Variants in PPP4R4 observed in about 807,000 individuals in gnomAD.
PPP4R4 encodes protein phosphatase 4 regulatory subunit 4, also known as serine/threonine-protein phosphatase 4 regulatory subunit 4.
A neutral mutation model predicts 121.8 loss-of-function variants in PPP4R4; 70 were observed. The ratio of observed to expected loss-of-function variants is 0.57; its 90% confidence interval spans 0.47 to 0.70. The LOEUF (loss-of-function observed/expected upper bound fraction) is 0.70, where lower values mean the gene tolerates loss of function less well. Ranked by LOEUF, PPP4R4 falls within the 30% of genes least tolerant of loss-of-function variation. The probability of loss-of-function intolerance (pLI) is 0.00; values close to 1 mark genes in which losing one functional copy is unlikely to be tolerated. For missense variants in PPP4R4, 875 were observed against 1,033.6 expected (o/e 0.85, Z 2.10); for synonymous variants, 348 against 355.7 (o/e 0.98, Z 0.24).
intron 1 of PPP4R4, 66 bp from the exon 2 acceptor site, chr14:94,175,988 G>A (rs1888660392): frequency 4.1e-6 from 5 of 1,225,760 alleles, no homozygotes; most frequent in Non-Finnish European, 6.1e-6. Context: ...GAGGGTCACT[G>A]GGAGGTTGGG....
chr14:94,256,190 ACTAT>A (rs764669164), intron 16 of PPP4R4, among the ~76,000 whole-genome samples: 42 of 152,224 alleles, frequency 2.8e-4, no homozygotes, highest in Non-Finnish European at 5.4e-4. Context: ...AGCATTTAAC[ACTAT>A]CTGACAGATT....
intron 23 of PPP4R4, among the ~76,000 whole-genome samples, chr14:94,271,384 A>T (rs1233184675): frequency 6.6e-6 from 1 of 152,256 alleles, no homozygotes; most frequent in Non-Finnish European, 1.5e-5. Context: ...AATGTAATAC[A>T]TCACACTAAC....
chr14:94,248,123 A>G (rs539968465), intron 14 of PPP4R4, among the ~76,000 whole-genome samples: 1 of 152,226 alleles, frequency 6.6e-6, no homozygotes, highest in African/African-American at 2.4e-5. Context: ...AAGTCAAATG[A>G]TCTCTCTTTG....
intron 2 of PPP4R4, among the ~76,000 whole-genome samples, chr14:94,206,660 A>G (rs972841112): frequency 1.3e-5 from 2 of 151,824 alleles, no homozygotes; most frequent in Non-Finnish European, 2.9e-5. Flanking sequence ...AATGTTCCTG[A>G]CATCTGTTCA....
rs533099808 is a variant in PPP4R4, at chr14:94,241,751, A to C, written c.977-37A>C. On this transcript the variant is annotated intron_variant, in intron 9 of 24. Transcript: ENST00000304338. ...TTTCCCTTTTTAAATTTTGTTTTCA[A>C]TTGAAATGTTGAGCTAGTTTTTTAT... 2.7e-6 allele frequency: 4 copies of C among 1,471,514 alleles called. No homozygotes were observed. In the African/African-American group the frequency reaches 4.3e-5, roughly 16 times the overall value. The allele number at this position is 1,471,514 out of a possible 1,614,324, so 91.2% of individuals were successfully genotyped here. A position where few individuals can be genotyped will look rare whatever the true frequency, so the allele number is the denominator to read the frequency against.
intron 3 of PPP4R4, among the ~76,000 whole-genome samples, chr14:94,211,614 G>A (rs1256269197): frequency 2.6e-5 from 4 of 152,072 alleles, no homozygotes; most frequent in Non-Finnish European, 2.9e-5. Context: ...TCTTAGGACA[G>A]TGAAAAGTCG....
intron 15 of PPP4R4, among the ~76,000 whole-genome samples, chr14:94,250,529 C>T (rs1479153240): frequency 6.6e-6 from 1 of 151,866 alleles, no homozygotes; most frequent in Non-Finnish European, 1.5e-5. Flanking sequence ...ATTGAAAGCC[C>T]AGTATCTCCC....
At chr14:94,246,759 G>T (rs1203109440) in intron 14 of PPP4R4, among the ~76,000 whole-genome samples, 1 of 152,132 alleles carries the variant, frequency 6.6e-6, no homozygotes, top group East Asian at 1.9e-4. Flanking sequence ...AGAGAGGAAC[G>T]ACTAGGTGGC....
chr14:94,278,383 C>T (rs1417661681), intron 24 of PPP4R4, among the ~76,000 whole-genome samples: 1 of 152,026 alleles, frequency 6.6e-6, no homozygotes, highest in East Asian at 1.9e-4. Context: ...TATATATATA[C>T]ACAGAATTTT....
At chr14:94,254,220 T>TATA (rs1893343464) in intron 16 of PPP4R4, among the ~76,000 whole-genome samples, 1 of 152,214 alleles carries the variant, frequency 6.6e-6, no homozygotes. Flanking sequence ...GCTGAATATC[T>TATA]GTTTTCTAGA....
intron 2 of PPP4R4, among the ~76,000 whole-genome samples, chr14:94,188,067 A>G (rs1184207132): frequency 1.3e-5 from 2 of 152,178 alleles, no homozygotes; most frequent in Admixed American, 6.5e-5. Flanking sequence ...TTAACTATAT[A>G]TAATGTGGTG....
chr14:94,178,964 G>C (rs1446209153), intron 2 of PPP4R4, among the ~76,000 whole-genome samples: 1 of 152,158 alleles, frequency 6.6e-6, no homozygotes, highest in Non-Finnish European at 1.5e-5. Flanking sequence ...ACCAGATAAA[G>C]TGTAGACCCT....
chr14:94,234,537 A>AT, intron 6 of PPP4R4, 25 bp from the exon 7 acceptor site: 1 of 1,366,562 alleles, frequency 7.3e-7, no homozygotes, highest in Non-Finnish European at 1.0e-6. Flanking sequence ...ATTCATTTGC[A>AT]TGTTTCTTTT....
chr14:94,258,973 G>A lies in PPP4R4; in HGVS notation c.2052+149G>A, dbSNP rs555397044. ...GGGAGGCCTCACAATCGTGACAGAAGGCAAGGAGGAGCAAGTCACATCTTA... is the reference window on the plus strand; with the variant it reads ...GGGAGGCCTCACAATCGTGACAGAAAGCAAGGAGGAGCAAGTCACATCTTA... On this transcript the variant is annotated intron_variant, in intron 18 of 24. Coordinates refer to ENST00000304338, the MANE Select transcript of PPP4R4 (RefSeq NM_058237.2). The A allele has an allele frequency of 8.2e-4, 650 of 793,490 alleles. 1 individual carries two copies. Among genetic ancestry groups the A allele is most frequent in the Middle Eastern group, 4.5e-3 (12 of 2,656 alleles). 49.2% of individuals were successfully genotyped at this position (793,490 alleles called of 1,614,324 possible).
chr14:94,232,808 CAG>C (rs1892116357), intron 5 of PPP4R4, among the ~76,000 whole-genome samples: 9 of 152,080 alleles, frequency 5.9e-5, no homozygotes, highest in African/African-American at 2.2e-4. Flanking sequence ...CCTGTAATCC[CAG>C]CCCTGTGGGA....
intron 4 of PPP4R4, 67 bp downstream of exon 4, chr14:94,230,801 TATAA>T (rs1891988057): frequency 6.8e-7 from 1 of 1,476,822 alleles, no homozygotes; most frequent in South Asian, 1.3e-5. Flanking sequence ...CATGATATTA[TATAA>T]ATACTGTTAG....
chr14:94,260,092 T>C (rs1893695860), intron 19 of PPP4R4, among the ~76,000 whole-genome samples: 1 of 152,122 alleles, frequency 6.6e-6, no homozygotes, highest in Non-Finnish European at 1.5e-5. Flanking sequence ...AATGGCTGAT[T>C]TGTATGGCAT....
In PPP4R4 at chr14:94,174,387, TG is replaced by T. The variant is rs2139359478; in HGVS notation, c.-77del. On this transcript the variant is annotated 5_prime_UTR_variant, in exon 1 of 25. Coordinates refer to ENST00000304338, the MANE Select transcript of PPP4R4 (RefSeq NM_058237.2). ...GGCCAAGAGCCGGAGAAAGTCCTGC[TG>T]GTGGGCGGCCGCGGGGCTGAGGGCG... 8.0e-7 allele frequency: 1 copy of T among 1,254,226 alleles called. No individual in the cohort carries two copies. The highest frequency in any genetic ancestry group is 4.3e-5 in the Admixed American group (1 of 23,232). The allele number at this position is 1,254,226 out of a possible 1,614,324, so 77.7% of individuals were successfully genotyped here.
At chr14:94,252,001 G>T in intron 16 of PPP4R4, 105 bp downstream of exon 16, 4 of 943,822 alleles carry the variant, frequency 4.2e-6, no homozygotes, top group Non-Finnish European at 6.2e-6. Context: ...CTTAAGTCAA[G>T]AATTTACACG....
Sources: allele counts gnomAD v4.1 joint callset (sites outside exome capture counted in the v4.1 genomes callset), GRCh38; gene constraint gnomAD v4.1.1; transcripts MANE v1.5; gene names NCBI Gene and HGNC (gene_info 2026-07-23, HGNC 2026-07-21).